NRXN1: variants seen among roughly 807,000 people sequenced by gnomAD.
The protein encoded by NRXN1 is neurexin 1, also known as neurexin-1.
NRXN1 carries 39 observed loss-of-function variants against 150.9 expected under a neutral mutation model. The ratio of observed to expected loss-of-function variants is 0.26; its 90% CI spans 0.20 to 0.34. NRXN1 has a LOEUF of 0.34. Among genes scored for constraint, NRXN1 ranks in the 10% least tolerant of loss-of-function variants. The pLI is 1.00. For missense variants in NRXN1, 1,815 were observed against 1,949.9 expected (o/e 0.93, Z 1.30); for synonymous variants, 924 against 757.0 (o/e 1.22, Z -3.62).
chr2:50,541,049 T>G (rs1377297936), intron 9 of NRXN1, among the ~76,000 whole-genome samples: 1 of 152,182 alleles, frequency 6.6e-6, no homozygotes, highest in Non-Finnish European at 1.5e-5. Flanking sequence ...CCGTAGAATT[T>G]TTGAGGATTT....
chr2:50,490,616 C>G (rs771350297), intron 15 of NRXN1, among the ~76,000 whole-genome samples: 1 of 152,118 alleles, frequency 6.6e-6, no homozygotes, highest in Non-Finnish European at 1.5e-5. Flanking sequence ...TAGGTGTAAG[C>G]CACGAGACAG....
intron 8 of NRXN1, among the ~76,000 whole-genome samples, chr2:50,600,540 G>C (rs1676088456): frequency 6.6e-6 from 1 of 152,014 alleles, no homozygotes; most frequent in Non-Finnish European, 1.5e-5. Flanking sequence ...GACCAGGCTG[G>C]TCTCAAATTC....
intron 17 of NRXN1, among the ~76,000 whole-genome samples, chr2:50,276,002 AG>A (rs1253063537): frequency 1.3e-5 from 2 of 151,152 alleles, no homozygotes; most frequent in African/African-American, 2.4e-5. Flanking sequence ...AAAAAAAAAA[AG>A]CCCAGTCTGC....
chr2:50,713,038 T>G (rs1436142966), intron 5 of NRXN1, among the ~76,000 whole-genome samples: 2 of 152,064 alleles, frequency 1.3e-5, no homozygotes, highest in African/African-American at 4.8e-5. Flanking sequence ...AATAGCTGAG[T>G]GTATTGGCTC....
At chr2:50,654,936 C>T (rs1452643283) in intron 5 of NRXN1, among the ~76,000 whole-genome samples, 1 of 151,956 alleles carries the variant, frequency 6.6e-6, no homozygotes, top group African/African-American at 2.4e-5. Context: ...CCATTTCACA[C>T]TCTCCAACCA....
rs1350928351 is a variant in NRXN1 at position 50,269,074 on chromosome 2, C to T, written c.3365-32104G>A. Reference sequence around the variant, plus strand: ...AAAGTATAGTAAAAGCCAACTAGTGCAGAACCCTCATTTTTTACATGGGGA... The same window carrying T: ...AAAGTATAGTAAAAGCCAACTAGTGTAGAACCCTCATTTTTTACATGGGGA... On this transcript the variant is annotated intron_variant, in intron 17 of 22. Transcript: ENST00000401669. Among the ~76,000 whole-genome samples the T allele has an allele frequency of 4.6e-5, 7 of 152,084 alleles. 1 individual carries two copies. Among genetic ancestry groups the T allele is most frequent in the Non-Finnish European group, 1.5e-5 (1 of 68,034 alleles).
At chr2:50,669,839 A>G (rs1336107971) in intron 5 of NRXN1, among the ~76,000 whole-genome samples, 3 of 149,134 alleles carry the variant, frequency 2.0e-5, no homozygotes, top group Non-Finnish European at 4.4e-5. Flanking sequence ...TAGAAATAAA[A>G]ATAAAAATAA....
intron 17 of NRXN1, among the ~76,000 whole-genome samples, chr2:50,317,198 A>G (rs1365183286): frequency 6.6e-6 from 1 of 151,998 alleles, no homozygotes; most frequent in African/African-American, 2.4e-5. Flanking sequence ...GAGGGGAAAG[A>G]GAATGGACAA....
At chr2:50,695,830 G>T (rs1056773033) in intron 5 of NRXN1, among the ~76,000 whole-genome samples, 26 of 146,546 alleles carry the variant, frequency 1.8e-4, no homozygotes, top group African/African-American at 6.3e-4. Context: ...AGCCTAACCA[G>T]AGTGACTCTG....
At chr2:50,975,191 T>C (rs1422615755) in intron 2 of NRXN1, among the ~76,000 whole-genome samples, 1 of 152,164 alleles carries the variant, frequency 6.6e-6, no homozygotes, top group Non-Finnish European at 1.5e-5. Flanking sequence ...AAAGTATTCT[T>C]GTATATTCTT....
chr2:51,017,235 C>A (rs577798983), intron 2 of NRXN1, among the ~76,000 whole-genome samples: 118 of 151,912 alleles, frequency 7.8e-4, no homozygotes, highest in Non-Finnish European at 1.4e-3. Flanking sequence ...CCCGTGTATC[C>A]CGGAACTTAA....
chr2:50,391,307 C>T (rs1031808389), intron 17 of NRXN1, among the ~76,000 whole-genome samples: 3 of 150,828 alleles, frequency 2.0e-5, no homozygotes, highest in Non-Finnish European at 4.4e-5. Context: ...GTTGACTGTG[C>T]ATTAATATGG....
At chr2:50,705,150 T>C (rs116663214) in intron 5 of NRXN1, among the ~76,000 whole-genome samples, 57 of 152,054 alleles carry the variant, frequency 3.7e-4, no homozygotes, top group African/African-American at 1.3e-3. Flanking sequence ...TTATCTAGTT[T>C]GCTGATAAGT....
chr2:50,913,882 A>C (rs1376511053), intron 5 of NRXN1, among the ~76,000 whole-genome samples: 3 of 151,776 alleles, frequency 2.0e-5, no homozygotes, highest in African/African-American at 7.2e-5. Context: ...ACATTTCTTA[A>C]TATAAACCGT....
At chr2:50,318,990 T>A (rs998266268) in intron 17 of NRXN1, among the ~76,000 whole-genome samples, 34 of 152,218 alleles carry the variant, frequency 2.2e-4, no homozygotes, top group African/African-American at 8.2e-4. Flanking sequence ...TATTGTTAAT[T>A]GCAGTTTAAT....
At chr2:50,520,472 A>C (rs1051055215) in intron 12 of NRXN1, among the ~76,000 whole-genome samples, 3 of 151,916 alleles carry the variant, frequency 2.0e-5, no homozygotes, top group African/African-American at 7.2e-5. Flanking sequence ...AGAAAAAAAA[A>C]CTAAAAATTA....
At chr2:51,017,015 A>G (rs1427452738) in intron 2 of NRXN1, among the ~76,000 whole-genome samples, 1 of 151,996 alleles carries the variant, frequency 6.6e-6, no homozygotes, top group Non-Finnish European at 1.5e-5. Context: ...CAGAAAACCA[A>G]GCCCTGCATG....
At chr2:50,477,523 A>G (rs932157611) in intron 15 of NRXN1, among the ~76,000 whole-genome samples, 1 of 152,188 alleles carries the variant, frequency 6.6e-6, no homozygotes, top group Non-Finnish European at 1.5e-5. Context: ...TTCACTTAAA[A>G]TAGGAAGCAT....
intron 5 of NRXN1, among the ~76,000 whole-genome samples, chr2:50,635,132 G>A (rs1683035271): frequency 1.3e-5 from 2 of 151,872 alleles, no homozygotes; most frequent in African/African-American, 2.4e-5. Flanking sequence ...CATTCTGGCT[G>A]CACCGAATGT....
Sources: gnomAD v4.1 joint callset for allele counts (sites outside exome capture counted in the v4.1 genomes callset) on GRCh38, gnomAD v4.1.1 for gene constraint, MANE v1.5 for transcripts, NCBI Gene and HGNC (gene_info 2026-07-23, HGNC 2026-07-21) for gene names.